Variants in MAML3 observed in about 807,000 individuals in gnomAD.
MAML3 encodes mastermind like transcriptional coactivator 3.
MAML3 carries 27 observed loss-of-function variants against 101.9 expected under a neutral mutation model. The observed-to-expected ratio is 0.27, with a 90% CI of 0.20 to 0.37. The LOEUF (loss-of-function observed/expected upper bound fraction) is 0.37. Ranked by LOEUF, MAML3 falls within the 10% of genes least tolerant of loss-of-function variation. MAML3 has a pLI of 1.00. For missense variants in MAML3, 1,316 were observed against 1,444.9 expected, an observed-to-expected ratio of 0.91 and a Z score of 1.45; for synonymous variants, 501 against 555.9, an observed-to-expected ratio of 0.90 and a Z score of 1.39.
At chr4:139,765,902 G>A (rs747074947) in intron 2 of MAML3, among the ~76,000 whole-genome samples, 2 of 152,070 alleles carry the variant, frequency 1.3e-5, no homozygotes, top group Admixed American at 6.6e-5. Flanking sequence ...TGGGAGGATT[G>A]CTTGAGCCCA....
At position 140,113,444 on chromosome 4, in the gene MAML3, G is replaced by A. The variant is rs944336919; in HGVS notation, c.468+39416C>T. 6.6e-5 allele frequency among the ~76,000 whole-genome samples: 10 copies of A among 152,302 alleles called. No homozygotes were observed. The East Asian group carries it at 1.9e-3, about 29-fold the overall frequency. Reference sequence around the variant, plus strand: ...GGAAAAAGTCCTCCTCTGCCCAGAAGTAGTTCCACCTTCTTGTCATGGACC... The same window carrying A: ...GGAAAAAGTCCTCCTCTGCCCAGAAATAGTTCCACCTTCTTGTCATGGACC... On this transcript the variant is annotated intron_variant, in intron 1 of 4. Transcript: ENST00000509479.
rs368146044 is a variant in MAML3, at chr4:139,720,237, T to C, written c.2503A>G (p.Met835Val). Reference sequence around the variant, plus strand: ...TTCTGGGAGGGTCCTATTCCCATCATGCCTGCGTTCTGTGCCATCAGCCGT... The same window carrying C: ...TTCTGGGAGGGTCCTATTCCCATCACGCCTGCGTTCTGTGCCATCAGCCGT... ...TSRLMAQNAG[M>V]MGIGPSQNPG... The change falls in exon 5 of 5, where the codon ATG (methionine) becomes GTG (valine). Residue 835 changes from methionine to valine, a missense_variant. Met to Val is a conservative substitution (Grantham distance 21, BLOSUM62 1). Transcript: ENST00000509479. 5.3e-5 allele frequency: 86 copies of C among 1,609,740 alleles called. No homozygotes were observed. Among genetic ancestry groups the C allele is most frequent in the Non-Finnish European group, 7.1e-5 (84 of 1,177,030 alleles).
At chr4:139,916,474 T>C (rs1733030639) in intron 1 of MAML3, among the ~76,000 whole-genome samples, 1 of 152,324 alleles carries the variant, frequency 6.6e-6, no homozygotes, top group East Asian at 1.9e-4. Flanking sequence ...GTCATGGTAA[T>C]GGCTAATCCT....
intron 2 of MAML3, among the ~76,000 whole-genome samples, chr4:139,831,816 G>A (rs554338508): frequency 2.0e-5 from 3 of 149,414 alleles, no homozygotes; most frequent in South Asian, 2.1e-4. Context: ...TTTTTGAGAC[G>A]GAGTCTTGCT....
intron 2 of MAML3, among the ~76,000 whole-genome samples, chr4:139,873,462 C>T (rs1732053116): frequency 1.3e-5 from 2 of 152,200 alleles, no homozygotes; most frequent in Admixed American, 1.3e-4. Context: ...ATTCTTGACA[C>T]TCCCTTCAGA....
At chr4:139,984,907 T>C (rs1734508958) in intron 1 of MAML3, among the ~76,000 whole-genome samples, 1 of 152,198 alleles carries the variant, frequency 6.6e-6, no homozygotes, top group African/African-American at 2.4e-5. Context: ...AACTGAGCAG[T>C]ATAGCTCCAT....
intron 2 of MAML3, among the ~76,000 whole-genome samples, chr4:139,742,097 GA>G (rs1939190066): frequency 6.6e-6 from 1 of 151,606 alleles, no homozygotes; most frequent in Non-Finnish European, 1.5e-5. Context: ...AAGGAATCTG[GA>G]AACAATGAGA....
At chr4:139,866,969 C>T (rs1230273007) in intron 2 of MAML3, among the ~76,000 whole-genome samples, 3 of 152,176 alleles carry the variant, frequency 2.0e-5, no homozygotes, top group Admixed American at 6.5e-5. Context: ...TTTTGTTCCT[C>T]GCAGCACCCA....
intron 1 of MAML3, among the ~76,000 whole-genome samples, chr4:140,031,864 T>C (rs1261062130): frequency 1.3e-5 from 2 of 152,222 alleles, no homozygotes; most frequent in African/African-American, 4.8e-5. Context: ...CTCTGTACTC[T>C]GAGATATGCT....
At chr4:139,753,564 T>C (rs1045443282) in intron 2 of MAML3, among the ~76,000 whole-genome samples, 6 of 152,136 alleles carry the variant, frequency 3.9e-5, no homozygotes, top group Non-Finnish European at 5.9e-5. Flanking sequence ...AAAACTACCA[T>C]GAAAATAAAA....
intron 1 of MAML3, among the ~76,000 whole-genome samples, chr4:139,957,697 T>C (rs896915646): frequency 2.6e-5 from 4 of 152,248 alleles, no homozygotes; most frequent in Non-Finnish European, 5.9e-5. Context: ...AACTGCTTTT[T>C]CTTTGGCTGT....
chr4:139,900,305 A>T (rs1419236896), intron 1 of MAML3, among the ~76,000 whole-genome samples: 1 of 152,182 alleles, frequency 6.6e-6, no homozygotes, highest in Non-Finnish European at 1.5e-5. Flanking sequence ...AAATATTTTA[A>T]ATCTTTTTTG....
At chr4:139,969,827 C>T (rs1459792592) in intron 1 of MAML3, among the ~76,000 whole-genome samples, 10 of 152,152 alleles carry the variant, frequency 6.6e-5, no homozygotes, top group African/African-American at 2.4e-5. Flanking sequence ...CTGACTATAC[C>T]GGCGATTCCG....
chr4:139,905,810 G>A (rs1312130864), intron 1 of MAML3, among the ~76,000 whole-genome samples: 1 of 152,000 alleles, frequency 6.6e-6, no homozygotes, highest in African/African-American at 2.4e-5. Context: ...TTCTTATATA[G>A]ATAATAGTCA....
At chr4:140,051,995 T>C (rs1727277201) in intron 1 of MAML3, among the ~76,000 whole-genome samples, 1 of 152,224 alleles carries the variant, frequency 6.6e-6, no homozygotes, top group South Asian at 2.1e-4. Context: ...TTAATTTGTG[T>C]TACCGTCTCA....
intron 1 of MAML3, among the ~76,000 whole-genome samples, chr4:140,110,026 G>T (rs917356424): frequency 1.3e-5 from 2 of 152,200 alleles, no homozygotes; most frequent in Non-Finnish European, 2.9e-5. Context: ...AGTGGAAAAC[G>T]GGGTGGGTGG....
intron 1 of MAML3, among the ~76,000 whole-genome samples, chr4:140,115,811 T>C (rs193264418): frequency 2.5e-3 from 377 of 152,332 alleles, no homozygotes; most frequent in Non-Finnish European, 4.3e-3. Flanking sequence ...TAAGATTCTT[T>C]TTTATAATGT....
chr4:139,749,184 A>G (rs1729420205), intron 2 of MAML3, among the ~76,000 whole-genome samples: 1 of 152,276 alleles, frequency 6.6e-6, no homozygotes, highest in African/African-American at 2.4e-5. Context: ...TCACAAAGAT[A>G]TGATATACCC....
chr4:139,988,211 C>T (rs961092863), intron 1 of MAML3, among the ~76,000 whole-genome samples: 23 of 150,716 alleles, frequency 1.5e-4, no homozygotes, highest in African/African-American at 5.4e-4. Context: ...ACTGTAATCC[C>T]AGCTACTCGG....
Sources: gnomAD v4.1 joint callset for allele counts (sites outside exome capture counted in the v4.1 genomes callset) on GRCh38, gnomAD v4.1.1 for gene constraint, MANE v1.5 for transcripts, NCBI Gene and HGNC (gene_info 2026-07-23, HGNC 2026-07-21) for gene names.